The following DMD variants were observed in gnomAD, a reference collection of about 807,000 sequenced individuals.
The protein encoded by DMD is mutant dystrophin.
DMD carries 63 observed loss-of-function variants against 330.1 expected under a neutral mutation model. The observed-to-expected ratio is 0.19, with a 90% CI of 0.16 to 0.24. DMD has a LOEUF of 0.24. Among genes scored for constraint, DMD ranks in the 10% least tolerant of loss-of-function variants. The probability of loss-of-function intolerance (pLI) is 1.00; values close to 1 mark genes in which losing one functional copy is unlikely to be tolerated. For missense variants in DMD, 3,344 were observed against 2,684.1 expected, an observed-to-expected ratio of 1.25 and a Z score of -5.43; for synonymous variants, 1,223 against 959.8, an observed-to-expected ratio of 1.27 and a Z score of -5.07.
rs1603426771 is a variant in DMD, at chrX:32,796,419, A to T, written c.649+13074T>A. Among the ~76,000 whole-genome samples, 5 of 111,752 alleles carry T rather than the reference A, an allele frequency of 4.5e-5. No homozygotes were observed. In the South Asian group the frequency reaches 1.5e-3, roughly 33 times the overall value. ...TATAGGTGTAAAAAAAGTTGTTCTCATGGAAATAGAGAGTATAATAAGATA... is the reference window on the plus strand; with the variant it reads ...TATAGGTGTAAAAAAAGTTGTTCTCTTGGAAATAGAGAGTATAATAAGATA... On this transcript the variant is annotated intron_variant, in intron 7 of 78. Coordinates refer to ENST00000357033, the MANE Select transcript of DMD (RefSeq NM_004006.3).
intron 28 of DMD, 29 bp from the exon 29 acceptor site, chrX:32,438,419 T>C: frequency 8.3e-7 from 1 of 1,201,959 alleles, no homozygotes; most frequent in Non-Finnish European, 1.1e-6. Context: ...AATTACTATT[T>C]CTCCTTTTTT....
chrX:32,126,222 T>A (rs1003156661), intron 44 of DMD, among the ~76,000 whole-genome samples: 1 of 112,461 alleles, frequency 8.9e-6, no homozygotes, highest in African/African-American at 3.2e-5. Context: ...GCATGCCGTT[T>A]CTGTGCTTTG....
intron 53 of DMD, among the ~76,000 whole-genome samples, chrX:31,667,600 T>C (rs2081504547): frequency 1.8e-5 from 2 of 110,656 alleles, no homozygotes; most frequent in Non-Finnish European, 3.8e-5. Context: ...AGATCTAGTA[T>C]TTGATAGCAC....
chrX:32,354,535 GATT>G (rs948820865), intron 37 of DMD, among the ~76,000 whole-genome samples: 1 of 110,910 alleles, frequency 9.0e-6, no homozygotes, highest in Non-Finnish European at 1.9e-5. Context: ...CTAGAAGAAA[GATT>G]ATTTAAAATA....
At position 33,134,462 on chromosome X, in the gene DMD, C is replaced by T. The variant is rs139712068; in HGVS notation, c.31+76820G>A. On this transcript the variant is annotated intron_variant, in intron 1 of 78. Coordinates refer to ENST00000357033, the MANE Select transcript of DMD (RefSeq NM_004006.3). The stretch of plus-strand genomic sequence containing the variant: ...AGACATACTGCAGAAGATCCAGTCT[C>T]AGAGAATGATCTGCTTAACACTTGG... 2.3e-3 allele frequency among the ~76,000 whole-genome samples: 261 copies of T among 112,135 alleles called. 1 individual carries two copies. Among genetic ancestry groups the T allele is most frequent in the African/African-American group, 8.0e-3 (248 of 30,883 alleles).
chrX:32,674,288 A>T (rs1032585113), intron 9 of DMD, among the ~76,000 whole-genome samples: 2 of 111,713 alleles, frequency 1.8e-5, no homozygotes, highest in Non-Finnish European at 3.8e-5. Flanking sequence ...GATCATAAAG[A>T]CTAATTGAAA....
chrX:32,509,984 C>G lies in DMD; in HGVS notation c.2292+8024G>C, dbSNP rs748440895. On this transcript the variant is annotated intron_variant, in intron 18 of 78. Transcript: ENST00000357033. ...GTTATCATGGTGCTCACTACTACCA[C>G]ATTAGACAAAGTACCCCATCATCTC... Among the ~76,000 whole-genome samples the G allele has an allele frequency of 3.4e-4, 38 of 111,654 alleles. No homozygotes were observed. The East Asian group carries it at 9.7e-3, about 28-fold the overall frequency.
chrX:32,943,663 T>C (rs2090587528), intron 2 of DMD, among the ~76,000 whole-genome samples: 1 of 111,706 alleles, frequency 9.0e-6, no homozygotes, highest in African/African-American at 3.3e-5. Flanking sequence ...TGTAAGCATT[T>C]CTTCGATAAT....
intron 21 of DMD, among the ~76,000 whole-genome samples, chrX:32,478,120 C>A (rs1298087320): frequency 9.0e-6 from 1 of 110,993 alleles, no homozygotes; most frequent in Non-Finnish European, 1.9e-5. Flanking sequence ...GAAAAGGCAC[C>A]CATGTAATCC....
intron 44 of DMD, among the ~76,000 whole-genome samples, chrX:32,113,102 A>C (rs989130186): frequency 1.8e-5 from 2 of 112,879 alleles, no homozygotes; most frequent in African/African-American, 6.4e-5. Context: ...AACGCATATA[A>C]ATAAATGTAA....
chrX:32,036,327 T>C (rs995864571), intron 44 of DMD, among the ~76,000 whole-genome samples: 5 of 111,328 alleles, frequency 4.5e-5, no homozygotes, highest in Non-Finnish European at 9.4e-5. Flanking sequence ...CAAGAGATAG[T>C]GTTTTGAAAT....
At chrX:32,670,891 T>A (rs183040120) in intron 9 of DMD, among the ~76,000 whole-genome samples, 24 of 111,589 alleles carry the variant, frequency 2.2e-4, no homozygotes, top group Middle Eastern at 4.7e-3. Context: ...GCCAAAAGCA[T>A]TGTAATGTTG....
At chrX:33,102,476 G>GAT (rs2095249448) in intron 1 of DMD, among the ~76,000 whole-genome samples, 1 of 110,947 alleles carries the variant, frequency 9.0e-6, no homozygotes, top group African/African-American at 3.3e-5. Context: ...TTTCTCATCA[G>GAT]ATAACCTCTC....
intron 7 of DMD, among the ~76,000 whole-genome samples, chrX:32,808,989 A>G (rs963019937): frequency 8.9e-6 from 1 of 112,350 alleles, no homozygotes; most frequent in African/African-American, 3.2e-5. Context: ...AAAGAAGCAG[A>G]AAATGAGTAA....
rs372313073 is a variant in DMD, at chrX:32,119,737, C to T, written c.6438+97179G>A. On this transcript the variant is annotated intron_variant, in intron 44 of 78. Coordinates refer to ENST00000357033, the MANE Select transcript of DMD (RefSeq NM_004006.3). ...ACTGCAAACATATAGCTGAGAAGGT[C>T]CTCAGCCTCCAGAAACTTACTTTTG... Among the ~76,000 whole-genome samples the T allele has an allele frequency of 7.1e-5, 8 of 112,212 alleles. No homozygotes were observed. The East Asian group carries it at 1.7e-3, about 24-fold the overall frequency.
intron 21 of DMD, among the ~76,000 whole-genome samples, chrX:32,483,820 CAAAAA>C (rs770119472): frequency 2.7e-5 from 1 of 37,269 alleles, no homozygotes; most frequent in African/African-American, 1.2e-4. Flanking sequence ...CTCTGAAGTA[CAAAAA>C]AAAAAAAAAA....
chrX:32,455,472 G>A (rs2098353499), intron 25 of DMD, among the ~76,000 whole-genome samples: 2 of 111,237 alleles, frequency 1.8e-5, no homozygotes, highest in African/African-American at 3.2e-5. Flanking sequence ...GGGCAGGGAT[G>A]TGGGAAAATC....
intron 1 of DMD, among the ~76,000 whole-genome samples, chrX:33,070,471 A>T (rs989500018): frequency 2.7e-5 from 3 of 110,211 alleles, no homozygotes; most frequent in Non-Finnish European, 3.8e-5. Context: ...ATACTACAGG[A>T]ACTACCAATA....
At chrX:32,342,968 C>T in intron 40 of DMD, 166 bp downstream of exon 40, 1 of 528,236 alleles carries the variant, frequency 1.9e-6, no homozygotes, top group African/African-American at 2.3e-5. Flanking sequence ...AATTGAATAA[C>T]ACTTAATACA....
Sources: gnomAD v4.1 joint callset for allele counts (sites outside exome capture counted in the v4.1 genomes callset) on GRCh38, gnomAD v4.1.1 for gene constraint, MANE v1.5 for transcripts, NCBI Gene and HGNC (gene_info 2026-07-23, HGNC 2026-07-21) for gene names.